The following MEOX2 variants were observed in gnomAD, a reference collection of about 807,000 sequenced individuals.
The protein encoded by MEOX2 is mesenchyme homeobox 2, also known as homeobox protein MOX-2.
MEOX2 carries 11 observed loss-of-function variants against 27.0 expected under a neutral mutation model. That is an observed-to-expected ratio of 0.41 (90% CI 0.26 to 0.68). The LOEUF is 0.68. Ranked by LOEUF, MEOX2 falls within the 30% of genes least tolerant of loss-of-function variation. The pLI, the probability that MEOX2 is intolerant of heterozygous loss-of-function variation, is 0.33. For missense variants in MEOX2, 436 were observed against 385.4 expected (o/e 1.13, Z -1.10); for synonymous variants, 189 against 155.4 (o/e 1.22, Z -1.61).
intron 1 of MEOX2, among the ~76,000 whole-genome samples, chr7:15,643,193 C>A (rs73288111): frequency 3.3e-5 from 5 of 152,266 alleles, no homozygotes; most frequent in Non-Finnish European, 4.4e-5. Context: ...AGGTGAGAGG[C>A]AGTTGCACTG....
rs181819074 is a variant in MEOX2, at chr7:15,661,325, C to T, written c.517+24561G>A. On this transcript the variant is annotated intron_variant, in intron 1 of 2. Transcript: ENST00000262041. ...CACTCACATCTCTAATTTTTCTTAGCGCTAAGCTAATTATGGTTTAAGAGA... is the reference window on the plus strand; with the variant it reads ...CACTCACATCTCTAATTTTTCTTAGTGCTAAGCTAATTATGGTTTAAGAGA... Among the ~76,000 whole-genome samples the T allele has an allele frequency of 3.3e-5, 5 of 152,202 alleles. No homozygotes were observed. In the East Asian group the frequency reaches 7.7e-4, roughly 24 times the overall value.
chr7:15,611,949 G>C lies in MEOX2; in HGVS notation c.*438C>G, dbSNP rs1321322356. On this transcript the variant is annotated 3_prime_UTR_variant, in exon 3 of 3. Coordinates refer to ENST00000262041, the MANE Select transcript of MEOX2 (RefSeq NM_005924.5). ...ATTCTTGATAGCAATTTAATTTTCA[G>C]TGCAAGCAAAAGCAAATACCTGCCC... The C allele has an allele frequency of 6.0e-6, 1 of 167,330 alleles. No homozygotes were observed. The highest frequency in any genetic ancestry group is 2.4e-5 in the African/African-American group (1 of 41,830). 10.4% of individuals were successfully genotyped at this position (167,330 alleles called of 1,614,324 possible). A position where few individuals can be genotyped will look rare whatever the true frequency, so the allele number is the denominator to read the frequency against.
intron 1 of MEOX2, among the ~76,000 whole-genome samples, chr7:15,640,865 G>A (rs1781548868): frequency 6.6e-6 from 1 of 152,092 alleles, no homozygotes; most frequent in Admixed American, 6.6e-5. Flanking sequence ...TTGCTTCCCT[G>A]GAATTAAACT....
At chr7:15,683,336 A>C (rs571472689) in intron 1 of MEOX2, among the ~76,000 whole-genome samples, 1 of 152,184 alleles carries the variant, frequency 6.6e-6, no homozygotes, top group African/African-American at 2.4e-5. Context: ...CAAAGTAATT[A>C]TAAACTACCT....
At chr7:15,614,873 A>T (rs1247011098) in intron 2 of MEOX2, among the ~76,000 whole-genome samples, 1 of 152,148 alleles carries the variant, frequency 6.6e-6, no homozygotes, top group Non-Finnish European at 1.5e-5. Context: ...TAATTATATC[A>T]GTGATCTTCA....
Position 15,686,648 on chromosome 7 carries a change from GA to G in MEOX2, c.-247del. The stretch of plus-strand genomic sequence containing the variant: ...TCAGATGTCAAGAGTGGGAGAGGTT[GA>G]AGCCAAAAGAAGGTGGTCCCAGAGA... On this transcript the variant is annotated 5_prime_UTR_variant, in exon 1 of 3. Coordinates refer to ENST00000262041, the MANE Select transcript of MEOX2 (RefSeq NM_005924.5). 1.9e-6 allele frequency: 1 copy of G among 518,344 alleles called. No homozygotes were observed. The highest frequency in any genetic ancestry group is 3.4e-6 in the Non-Finnish European group (1 of 294,538). 32.1% of individuals were successfully genotyped at this position (518,344 alleles called of 1,614,324 possible). A position where few individuals can be genotyped will look rare whatever the true frequency, so the allele number is the denominator to read the frequency against.
chr7:15,671,888 T>C (rs1004099776), intron 1 of MEOX2, among the ~76,000 whole-genome samples: 2 of 152,100 alleles, frequency 1.3e-5, no homozygotes, highest in South Asian at 4.2e-4. Context: ...CTCTAATAAT[T>C]GTACATCTCT....
chr7:15,612,617 A>G lies in MEOX2; in HGVS notation c.691-6T>C. On this transcript the variant is annotated splice_polypyrimidine_tract_variant and splice_region_variant and intron_variant, in intron 2 of 2. Transcript: ENST00000262041. ...TTTTGGAACCAGACTTTCACCTTCA[A>G]CCAAGAAAGGGAACAAACAAACAGA... 18 of 1,611,730 alleles carry G rather than the reference A, an allele frequency of 1.1e-5. No homozygotes were observed. Among genetic ancestry groups the G allele is most frequent in the Non-Finnish European group, 1.5e-5 (18 of 1,177,878 alleles).
intron 1 of MEOX2, among the ~76,000 whole-genome samples, chr7:15,683,277 C>A (rs535466032): frequency 9.5e-4 from 145 of 152,038 alleles, no homozygotes; most frequent in Middle Eastern, 6.8e-3. Context: ...AATTTTGGTC[C>A]TGACTTTACC....
intron 1 of MEOX2, among the ~76,000 whole-genome samples, chr7:15,634,100 A>T (rs1781447555): frequency 6.6e-6 from 1 of 151,962 alleles, no homozygotes; most frequent in Non-Finnish European, 1.5e-5. Flanking sequence ...TACATAGAAA[A>T]GTACCAAATC....
In MEOX2 at chr7:15,612,084, A is replaced by G. The variant is rs1781042111; in HGVS notation, c.*303T>C. 1 of 376,010 alleles carries G rather than the reference A, an allele frequency of 2.7e-6. No individual in the cohort carries two copies. The highest frequency in any genetic ancestry group is 4.9e-6 in the Non-Finnish European group (1 of 204,206). The allele number at this position is 376,010 out of a possible 1,614,324, so 23.3% of individuals were successfully genotyped here. A position where few individuals can be genotyped will look rare whatever the true frequency, so the allele number is the denominator to read the frequency against. ...AAAAACCGTTCATAGTTTGCTCTTG[A>G]TAGCAATTTAATTTTCAGTGCAAGC... On this transcript the variant is annotated 3_prime_UTR_variant, in exon 3 of 3. Transcript: ENST00000262041.
rs558706263 is a variant in MEOX2 at position 15,669,072 on chromosome 7, A to G, written c.517+16814T>C. 8.5e-5 allele frequency among the ~76,000 whole-genome samples: 13 copies of G among 152,350 alleles called. No individual in the cohort carries two copies. The East Asian group carries it at 2.3e-3, about 27-fold the overall frequency. ...TAATCTAAAGTAAAAAACAATTGGT[A>G]TTAATAACACAATTACCACATCCAC... On this transcript the variant is annotated intron_variant, in intron 1 of 2. Coordinates refer to ENST00000262041, the MANE Select transcript of MEOX2 (RefSeq NM_005924.5).
At chr7:15,661,542 C>A (rs1053460459) in intron 1 of MEOX2, among the ~76,000 whole-genome samples, 1 of 152,146 alleles carries the variant, frequency 6.6e-6, no homozygotes, top group Non-Finnish European at 1.5e-5. Flanking sequence ...TCAATATGCA[C>A]TTTATAAGTG....
intron 1 of MEOX2, among the ~76,000 whole-genome samples, chr7:15,644,819 C>T (rs925146570): frequency 2.0e-5 from 3 of 152,112 alleles, no homozygotes; most frequent in African/African-American, 7.2e-5. Context: ...GTACAATTTG[C>T]CACTTCCCAT....
chr7:15,624,668 G>A (rs575152099), intron 2 of MEOX2, among the ~76,000 whole-genome samples: 113 of 152,086 alleles, frequency 7.4e-4, no homozygotes, highest in Non-Finnish European at 1.5e-3. Context: ...AGCTCCATGA[G>A]GGTTCCATGT....
intron 2 of MEOX2, among the ~76,000 whole-genome samples, chr7:15,617,993 C>T (rs573189374): frequency 2.6e-5 from 4 of 152,038 alleles, no homozygotes; most frequent in Non-Finnish European, 2.9e-5. Context: ...AAATTCCCCA[C>T]GACAGATTTG....
intron 1 of MEOX2, among the ~76,000 whole-genome samples, chr7:15,635,485 A>G: frequency 6.6e-6 from 1 of 152,024 alleles, no homozygotes; most frequent in East Asian, 1.9e-4. Context: ...CCCTGTGCTC[A>G]TCTTTAACAC....
In MEOX2 at chr7:15,686,214, C is replaced by T. The variant is rs141947578; in HGVS notation, c.189G>A (p.Gln63=). 47 of 1,610,208 alleles carry T rather than the reference C, an allele frequency of 2.9e-5. No individual in the cohort carries two copies. The highest frequency in any genetic ancestry group is 3.8e-5 in the Non-Finnish European group (45 of 1,178,218). ...GGTGGTGGTGGTGCCCCCTGTGATG[C>T]TGGCTGGCAAACATGCCCTCTTCGT... The part of the protein sequence containing the change: ...YPNEEGMFAS[Q]HHRGHHHHHH... The change falls in exon 1 of 3, where the codon CAG becomes CAA. Residue 63 remains glutamine (Q), a synonymous_variant. Transcript: ENST00000262041.
intron 2 of MEOX2, among the ~76,000 whole-genome samples, chr7:15,618,461 A>T (rs2115354721): frequency 6.6e-6 from 1 of 152,126 alleles, no homozygotes; most frequent in East Asian, 1.9e-4. Context: ...TACTGAGACC[A>T]ACTAGAATGA....
Sources: gnomAD v4.1 joint callset for allele counts (sites outside exome capture counted in the v4.1 genomes callset) on GRCh38, gnomAD v4.1.1 for gene constraint, MANE v1.5 for transcripts, NCBI Gene and HGNC (gene_info 2026-07-23, HGNC 2026-07-21) for gene names.